The following EFR3A variants were observed in gnomAD, a reference collection of about 807,000 sequenced individuals.
The protein encoded by EFR3A is EFR3 homolog A, also known as protein EFR3 homolog A.
A neutral mutation model predicts 104.4 loss-of-function variants in EFR3A; 76 were observed. The observed-to-expected ratio is 0.73, with a 90% CI of 0.60 to 0.88. The LOEUF is 0.88. Among genes scored for constraint, EFR3A ranks in the 40% least tolerant of loss-of-function variants. EFR3A has a pLI of 0.00. For synonymous variants in EFR3A, 330 were observed against 330.0 expected (o/e 1.00, Z 0.00); for missense variants, 985 against 1,012.5 (o/e 0.97, Z 0.37).
At chr8:131,944,942 A>C (rs967220833) in intron 3 of EFR3A, 70 bp downstream of exon 3, 39 of 1,533,228 alleles carry the variant, frequency 2.5e-5, no homozygotes, top group Non-Finnish European at 3.2e-5. Context: ...ATCATTCTAT[A>C]GATTATTTTG....
intron 1 of EFR3A, among the ~76,000 whole-genome samples, chr8:131,926,632 T>G (rs1481743991): frequency 6.6e-6 from 1 of 152,030 alleles, no homozygotes; most frequent in Non-Finnish European, 1.5e-5. Context: ...TTGGAGGGTA[T>G]TTTTTGAGAA....
At chr8:131,955,968 T>G in intron 7 of EFR3A, 63 bp downstream of exon 7, 2 of 1,575,072 alleles carry the variant, frequency 1.3e-6, no homozygotes, top group South Asian at 2.3e-5. Context: ...TGTTAACTTA[T>G]TTATAGAGGA....
intron 7 of EFR3A, among the ~76,000 whole-genome samples, chr8:131,957,067 C>T (rs1380197028): frequency 6.6e-6 from 1 of 152,028 alleles, no homozygotes; most frequent in Non-Finnish European, 1.5e-5. Flanking sequence ...TTCTTTTCTA[C>T]ATAGAACTTA....
intron 15 of EFR3A, among the ~76,000 whole-genome samples, chr8:131,984,698 T>C (rs897218427): frequency 1.3e-5 from 2 of 152,164 alleles, no homozygotes; most frequent in African/African-American, 4.8e-5. Context: ...TGTGTATATA[T>C]ATATGAGAAC....
intron 9 of EFR3A, 56 bp downstream of exon 9, chr8:131,968,486 T>C (rs537505133): frequency 6.1e-5 from 94 of 1,537,504 alleles, no homozygotes; most frequent in Non-Finnish European, 7.8e-5. Context: ...AAGTGTCCTT[T>C]CAGTATGCAT....
At chr8:131,955,662 A>G in intron 6 of EFR3A, 106 bp from the exon 7 acceptor site, 1 of 1,249,482 alleles carries the variant, frequency 8.0e-7, no homozygotes, top group Non-Finnish European at 1.1e-6. Context: ...TCTGGAGTAT[A>G]AAAAGAAAAT....
At chr8:131,997,573 A>G (rs1035313349) in intron 19 of EFR3A, among the ~76,000 whole-genome samples, 10 of 152,084 alleles carry the variant, frequency 6.6e-5, no homozygotes, top group African/African-American at 2.4e-4. Context: ...TTAAGTCTAA[A>G]GTTTCTTACC....
intron 10 of EFR3A, among the ~76,000 whole-genome samples, chr8:131,975,323 T>G (rs1456403533): frequency 3.3e-5 from 5 of 152,086 alleles, no homozygotes; most frequent in Admixed American, 3.3e-4. Flanking sequence ...GTGGCCTGAT[T>G]ACCGGAACAA....
At chr8:131,909,559 T>C (rs1816413789) in intron 1 of EFR3A, among the ~76,000 whole-genome samples, 1 of 151,880 alleles carries the variant, frequency 6.6e-6, no homozygotes, top group Admixed American at 6.6e-5. Context: ...AAGGAAAATA[T>C]ATATATATTT....
chr8:132,005,168 G>C (rs951034207), intron 22 of EFR3A, among the ~76,000 whole-genome samples: 14 of 152,108 alleles, frequency 9.2e-5, no homozygotes, highest in African/African-American at 3.4e-4. Context: ...ATGGAAGTTA[G>C]GTAACTTATA....
At chr8:131,924,835 A>G (rs544332599) in intron 1 of EFR3A, among the ~76,000 whole-genome samples, 11 of 152,228 alleles carry the variant, frequency 7.2e-5, no homozygotes, top group Middle Eastern at 6.8e-3. Flanking sequence ...AAGCTTTTCT[A>G]GACTTCGATT....
At chr8:132,004,264 T>G (rs1482906481) in intron 22 of EFR3A, among the ~76,000 whole-genome samples, 1 of 152,206 alleles carries the variant, frequency 6.6e-6, no homozygotes, top group East Asian at 1.9e-4. Context: ...CAACCCTCAG[T>G]CCAGAGACCT....
chr8:131,941,162 A>G (rs948864721), intron 2 of EFR3A, among the ~76,000 whole-genome samples: 2 of 152,074 alleles, frequency 1.3e-5, no homozygotes, highest in African/African-American at 4.8e-5. Flanking sequence ...CTGAGAGGTA[A>G]AGAAAGATTG....
chr8:132,004,170 CTTAAG>C (rs1406991488), intron 22 of EFR3A, among the ~76,000 whole-genome samples: 1 of 152,130 alleles, frequency 6.6e-6, no homozygotes, highest in Admixed American at 6.5e-5. Flanking sequence ...GCTATACTCT[CTTAAG>C]TTGAGAATCA....
chr8:131,912,981 ATTTTTTTT>A (rs3051318), intron 1 of EFR3A, among the ~76,000 whole-genome samples: 2 of 141,350 alleles, frequency 1.4e-5, no homozygotes, highest in Non-Finnish European at 3.1e-5. Context: ...TATCACTTGT[ATTTTTTTT>A]TTTTTTTTTT....
At chr8:131,985,129 T>G in intron 16 of EFR3A, 69 bp downstream of exon 16, 1 of 1,474,954 alleles carries the variant, frequency 6.8e-7, no homozygotes, top group South Asian at 1.3e-5. Context: ...CCAGTGATGA[T>G]TATTTTTAAC....
chr8:131,924,386 T>C (rs1817197127), intron 1 of EFR3A, among the ~76,000 whole-genome samples: 1 of 152,160 alleles, frequency 6.6e-6, no homozygotes, highest in African/African-American at 2.4e-5. Context: ...ATCATGCTAC[T>C]GCCCTACTCT....
chr8:131,904,591 C>T (rs1816147445), intron 1 of EFR3A, among the ~76,000 whole-genome samples: 1 of 152,250 alleles, frequency 6.6e-6, no homozygotes, highest in Non-Finnish European at 1.5e-5. Flanking sequence ...GGTAACCTGA[C>T]CCGTGGGATT....
intron 1 of EFR3A, among the ~76,000 whole-genome samples, chr8:131,906,173 T>C (rs939967640): frequency 2.0e-5 from 3 of 152,226 alleles, no homozygotes; most frequent in Non-Finnish European, 4.4e-5. Context: ...CCTTTGGCAG[T>C]CACAGCTGCC....
Sources: gnomAD v4.1 joint callset for allele counts (sites outside exome capture counted in the v4.1 genomes callset) on GRCh38, gnomAD v4.1.1 for gene constraint, MANE v1.5 for transcripts, NCBI Gene and HGNC (gene_info 2026-07-23, HGNC 2026-07-21) for gene names.